The following NBEAL1 variants were observed in gnomAD, a reference collection of about 807,000 sequenced individuals.
NBEAL1 encodes the protein neurobeachin-like protein 1.
NBEAL1 carries 273 observed loss-of-function variants against 351.3 expected under a neutral mutation model. The ratio of observed to expected loss-of-function variants is 0.78; its 90% CI spans 0.70 to 0.86. The LOEUF is 0.86. Ranked by LOEUF, NBEAL1 falls within the 40% of genes least tolerant of loss-of-function variation. NBEAL1 has a pLI of 0.00. For synonymous variants in NBEAL1, 1,050 were observed against 1,086.4 expected (o/e 0.97, Z 0.66); for missense variants, 2,961 against 3,201.3 (o/e 0.92, Z 1.81).
chr2:203,119,412 T>C (rs1313592187), intron 18 of NBEAL1, among the ~76,000 whole-genome samples: 1 of 143,578 alleles, frequency 7.0e-6, no homozygotes, highest in Non-Finnish European at 1.5e-5. Context: ...AGCCACTGCA[T>C]ACGGCCTGTT....
At chr2:203,158,934 C>T (rs535579530) in intron 36 of NBEAL1, among the ~76,000 whole-genome samples, 2 of 151,562 alleles carry the variant, frequency 1.3e-5, no homozygotes, top group African/African-American at 4.8e-5. Context: ...ATCCTCCTGC[C>T]GCAGCCTCCT....
intron 46 of NBEAL1, among the ~76,000 whole-genome samples, chr2:203,192,534 G>A (rs556960324): frequency 2.0e-5 from 3 of 151,674 alleles, no homozygotes; most frequent in African/African-American, 7.3e-5. Flanking sequence ...ACAGAGGCCC[G>A]CCACCACACC....
At chr2:203,192,963 C>CTTTTTTTTTTTTTTT (rs71408917) in intron 46 of NBEAL1, among the ~76,000 whole-genome samples, 1 of 99,346 alleles carries the variant, frequency 1.0e-5, no homozygotes, top group Non-Finnish European at 2.0e-5. Flanking sequence ...TTCTTTCTTT[C>CTTTTTTTTTTTTTTT]TTTTTTTTTT....
intron 44 of NBEAL1, among the ~76,000 whole-genome samples, chr2:203,187,609 C>T (rs2064942059): frequency 1.3e-5 from 2 of 151,728 alleles, no homozygotes; most frequent in South Asian, 4.2e-4. Flanking sequence ...GGCGTGGTGG[C>T]AGGCGCCTGT....
At chr2:203,100,084 T>A (rs1382313803) in intron 12 of NBEAL1, among the ~76,000 whole-genome samples, 2 of 152,230 alleles carry the variant, frequency 1.3e-5, no homozygotes, top group African/African-American at 4.8e-5. Flanking sequence ...GGATATGATC[T>A]CCTTTGTTTT....
chr2:203,124,373 G>A (rs2062894376), intron 19 of NBEAL1, among the ~76,000 whole-genome samples: 1 of 152,160 alleles, frequency 6.6e-6, no homozygotes. Flanking sequence ...CAGATATGTA[G>A]GATGAACAAG....
At chr2:203,050,628 T>C (rs2061309413) in intron 4 of NBEAL1, among the ~76,000 whole-genome samples, 1 of 152,244 alleles carries the variant, frequency 6.6e-6, no homozygotes, top group Non-Finnish European at 1.5e-5. Context: ...TAAAGTATAA[T>C]TATCCTGTAG....
chr2:203,171,957 T>G lies in NBEAL1; in HGVS notation c.6132T>G (p.Phe2044Leu), dbSNP rs576030684. The change falls in exon 40 of 56, where the codon TTT becomes TTG. Residue 2044 changes from phenylalanine to leucine, a missense_variant. Physicochemically the swap from Phe to Leu is conservative, Grantham distance 22. Transcript: ENST00000683969. ...GGGTAAACAGAGAGATATCAAATTT[T>G]GACTACCTCATTCAAATAAATACAA... ...QKWVNREISNFDYLIQINTMA... is the reference protein window; with the variant it reads ...QKWVNREISNLDYLIQINTMA... 1 of 1,605,674 alleles carries G rather than the reference T, an allele frequency of 6.2e-7. No individual in the cohort carries two copies. The highest frequency in any genetic ancestry group is 1.3e-5 in the African/African-American group (1 of 74,592).
At chr2:203,190,786 C>G in intron 46 of NBEAL1, 1 of 1,610,666 alleles carries the variant, frequency 6.2e-7, no homozygotes, top group Non-Finnish European at 8.5e-7. Context: ...CACCATGCCG[C>G]CGAAGTTCGA....
At chr2:203,109,301 G>T (rs185105796) in intron 14 of NBEAL1, among the ~76,000 whole-genome samples, 17 of 152,268 alleles carry the variant, frequency 1.1e-4, no homozygotes, top group African/African-American at 4.1e-4. Flanking sequence ...AGAGACTGCA[G>T]TGAGCTGAGA....
chr2:203,099,040 C>T (rs1252681508), intron 11 of NBEAL1, among the ~76,000 whole-genome samples: 2 of 151,922 alleles, frequency 1.3e-5, no homozygotes, highest in African/African-American at 2.4e-5. Flanking sequence ...TTTGGGAGGC[C>T]GAGGTGGGTG....
intron 51 of NBEAL1, among the ~76,000 whole-genome samples, chr2:203,207,340 G>A (rs1198477851): frequency 2.4e-4 from 37 of 151,760 alleles, no homozygotes; most frequent in African/African-American, 8.0e-4. Flanking sequence ...GGTGAGGGGC[G>A]CCTCTGCCCG....
chr2:203,209,460 C>T (rs1001141729), intron 53 of NBEAL1, 138 bp downstream of exon 53: 9 of 625,364 alleles, frequency 1.4e-5, no homozygotes, highest in South Asian at 1.2e-4. Context: ...TTCAGTTGTT[C>T]GTTTCTTAAC....
At chr2:203,059,316 T>C (rs1247289176) in intron 6 of NBEAL1, among the ~76,000 whole-genome samples, 1 of 152,212 alleles carries the variant, frequency 6.6e-6, no homozygotes, top group African/African-American at 2.4e-5. Flanking sequence ...GAATAAATTA[T>C]GCTTCAGTAA....
At chr2:203,155,276 A>AT (rs1321764991) in intron 35 of NBEAL1, among the ~76,000 whole-genome samples, 5 of 151,462 alleles carry the variant, frequency 3.3e-5, no homozygotes, top group Non-Finnish European at 7.4e-5. Flanking sequence ...GATTTAAGAA[A>AT]TTTTTTTTGT....
chr2:203,105,852 T>C (rs1485909378), intron 12 of NBEAL1, among the ~76,000 whole-genome samples: 1 of 152,192 alleles, frequency 6.6e-6, no homozygotes, highest in African/African-American at 2.4e-5. Context: ...GAAGGATACT[T>C]TTAAGTGGTT....
chr2:203,121,489 C>T (rs995607609), intron 18 of NBEAL1, among the ~76,000 whole-genome samples: 2 of 150,974 alleles, frequency 1.3e-5, no homozygotes, highest in African/African-American at 4.9e-5. Flanking sequence ...CCCATCTCTA[C>T]TAAAAATACA....
At chr2:203,190,476 T>C in intron 46 of NBEAL1, 87 bp downstream of exon 46, 4 of 899,458 alleles carry the variant, frequency 4.4e-6, no homozygotes, top group Non-Finnish European at 7.0e-6. Context: ...AAGATCCATG[T>C]ATATAGCCAG....
At position 203,056,634 on chromosome 2, in the gene NBEAL1, T is replaced by G. The variant is rs1471796679; in HGVS notation, c.387+126T>G. 12 of 617,422 alleles carry G rather than the reference T, an allele frequency of 1.9e-5. No homozygotes were observed. The East Asian group carries it at 3.7e-4, about 19-fold the overall frequency. The allele number at this position is 617,422 out of a possible 1,614,324, so 38.2% of individuals were successfully genotyped here. A position where few individuals can be genotyped will look rare whatever the true frequency, so the allele number is the denominator to read the frequency against. ...CAGGCTGGAGTGCAATGGCCCGATC[T>G]TGGCTTACCACAACCTCTGCCTCCC... On this transcript the variant is annotated intron_variant, in intron 5 of 55. Coordinates refer to ENST00000683969, the MANE Select transcript of NBEAL1 (RefSeq NM_001378026.1).
Sources: gnomAD v4.1 joint callset for allele counts (sites outside exome capture counted in the v4.1 genomes callset) on GRCh38, gnomAD v4.1.1 for gene constraint, MANE v1.5 for transcripts, NCBI Gene and HGNC (gene_info 2026-07-23, HGNC 2026-07-21) for gene names.